Variants in CAPS2 observed in about 807,000 individuals in gnomAD.
CAPS2 encodes the protein calcyphosin-2.
A neutral mutation model predicts 86.5 loss-of-function variants in CAPS2; 98 were observed. The observed-to-expected ratio is 1.13, with a 90% confidence interval of 0.96 to 1.34. The LOEUF (loss-of-function observed/expected upper bound fraction) is 1.34, where lower values mean the gene tolerates loss of function less well. CAPS2 is among the 40% of genes most tolerant of loss of function. The pLI is 0.00. For missense variants in CAPS2, 729 were observed against 686.8 expected, an observed-to-expected ratio of 1.06 and a Z score of -0.69; for synonymous variants, 210 against 225.1, an observed-to-expected ratio of 0.93 and a Z score of 0.60.
chr12:75,363,459 G>T (rs2043752932), intron 1 of CAPS2, among the ~76,000 whole-genome samples: 1 of 152,000 alleles, frequency 6.6e-6, no homozygotes, highest in Non-Finnish European at 1.5e-5. Flanking sequence ...AAATAACTAT[G>T]GGTTGAAATG....
At chr12:75,354,310 A>T (rs935929612) in intron 1 of CAPS2, among the ~76,000 whole-genome samples, 2 of 151,536 alleles carry the variant, frequency 1.3e-5, no homozygotes, top group Non-Finnish European at 3.0e-5. Context: ...CAGACAAAAA[A>T]AGTCACAAGC....
intron 1 of CAPS2, among the ~76,000 whole-genome samples, chr12:75,354,619 G>C (rs911198204): frequency 2.5e-4 from 38 of 152,094 alleles, no homozygotes; most frequent in African/African-American, 8.2e-4. Context: ...CACAGAATTA[G>C]AAAAAACTAT....
At chr12:75,320,312 A>C (rs2040179329) in intron 5 of CAPS2, among the ~76,000 whole-genome samples, 2 of 152,170 alleles carry the variant, frequency 1.3e-5, no homozygotes, top group Admixed American at 1.3e-4. Context: ...CCACTCAGTA[A>C]GGCATGTGCT....
exon 17 of CAPS2, chr12:75,278,543 A>T: frequency 7.0e-6 from 7 of 999,208 alleles, no homozygotes; most frequent in Non-Finnish European, 8.3e-6. Context: ...AGATGTTGCC[A>T]TATTGTTTGA....
At chr12:75,330,008 A>G, upstream of CAPS2, 1 of 676,838 alleles carries the variant, frequency 1.5e-6, no homozygotes, top group Non-Finnish European at 2.5e-6. Context: ...CAAAAACCGC[A>G]TTCAGAAAGC....
chr12:75,349,467 C>T (rs1005457634), intron 1 of CAPS2, among the ~76,000 whole-genome samples: 4 of 151,830 alleles, frequency 2.6e-5, no homozygotes, highest in African/African-American at 9.7e-5. Context: ...TATTACCAGC[C>T]ATATAAAGAA....
Position 75,366,644 on chromosome 12 carries a change from CT to C in CAPS2, c.-395+24193del, listed in dbSNP as rs35880250. Among the ~76,000 whole-genome samples the C allele has an allele frequency of 2.7e-3, 396 of 147,462 alleles. 2 individuals are homozygous for C. The highest frequency in any genetic ancestry group is 0.017 in the South Asian group (80 of 4,638). On this transcript the variant is annotated intron_variant, in intron 1 of 5. Transcript: ENST00000551829. ...TTCCTCTTCTTCAGATTGTTGCCTA[CT>C]TTTTTTTTTTTCTTAAAAGGAGGAA... is the stretch of plus-strand genomic sequence containing the variant.
chr12:75,300,420 G>A (rs1290099982), intron 8 of CAPS2, among the ~76,000 whole-genome samples: 1 of 151,890 alleles, frequency 6.6e-6, no homozygotes, highest in African/African-American at 2.4e-5. Context: ...GCCGGGCGTG[G>A]TGGTGGGCGC....
intron 1 of CAPS2, chr12:75,364,851 C>A (rs2139641178): frequency 6.6e-6 from 1 of 152,214 alleles, no homozygotes; most frequent in Non-Finnish European, 1.5e-5. Flanking sequence ...AATCTCATAA[C>A]TGGGAGTACC....
intron 1 of CAPS2, among the ~76,000 whole-genome samples, chr12:75,340,162 A>G (rs1286962236): frequency 6.7e-6 from 1 of 148,648 alleles, no homozygotes; most frequent in Middle Eastern, 3.5e-3. Flanking sequence ...ATATGTATAA[A>G]TATATATATA....
At chr12:75,387,490 A>G (rs987709755) in intron 1 of CAPS2, among the ~76,000 whole-genome samples, 7 of 152,224 alleles carry the variant, frequency 4.6e-5, no homozygotes, top group Non-Finnish European at 8.8e-5. Context: ...TTTGGAACAT[A>G]GTTTAGCAGT....
At position 75,312,306 on chromosome 12, in the gene CAPS2, T is replaced by C. The variant is rs75245704; in HGVS notation, c.659+542A>G. On this transcript the variant is annotated intron_variant, in intron 7 of 16. Coordinates refer to ENST00000393284, the Ensembl canonical transcript of CAPS2. The stretch of plus-strand genomic sequence containing the variant: ...GACATCACTTGCACATCAAGTAAAC[T>C]ACTAGTTCAGCCTCAGGGTAGTTCA... Among the ~76,000 whole-genome samples the C allele has an allele frequency of 2.8e-3, 428 of 152,290 alleles. 2 individuals carry two copies. The highest frequency in any genetic ancestry group is 1.0e-2 in the African/African-American group (415 of 41,576).
chr12:75,330,143 C>A (rs1477937380), upstream of CAPS2: 9 of 332,648 alleles, frequency 2.7e-5, no homozygotes, highest in Non-Finnish European at 4.3e-5. Flanking sequence ...GGCCCAAGTC[C>A]CTTGTTCGTT....
intron 12 of CAPS2, among the ~76,000 whole-genome samples, chr12:75,292,521 G>A (rs905854597): frequency 6.7e-6 from 1 of 149,410 alleles, no homozygotes; most frequent in African/African-American, 2.4e-5. Context: ...AAATGATGAA[G>A]AAACACAGAC....
rs35481216 is a variant in CAPS2, at chr12:75,386,242, C to G, written c.-395+4596G>C. On this transcript the variant is annotated intron_variant, in intron 1 of 5. Coordinates refer to the CAPS2 transcript ENST00000551829. Reference sequence around the variant, plus strand: ...GAACAAGGTTGCAGGACTAACACTACGTGACATTAAGACTTACTATAAGGG... The same window carrying G: ...GAACAAGGTTGCAGGACTAACACTAGGTGACATTAAGACTTACTATAAGGG... Among the ~76,000 whole-genome samples the G allele has an allele frequency of 8.3e-3, 1,270 of 152,262 alleles. 22 individuals carry two copies. Among genetic ancestry groups the G allele is most frequent in the Non-Finnish European group, 7.6e-3 (517 of 68,018 alleles).
upstream of CAPS2, chr12:75,334,389 C>G (rs749336319): frequency 2.4e-6 from 2 of 848,474 alleles, no homozygotes; most frequent in South Asian, 4.9e-5. Context: ...CTTTACCTAA[C>G]TTGTGTGGCT....
At chr12:75,368,143 T>TA (rs1237232162) in intron 1 of CAPS2, among the ~76,000 whole-genome samples, 1 of 152,108 alleles carries the variant, frequency 6.6e-6, no homozygotes, top group African/African-American at 2.4e-5. Context: ...TAGCAGGAGT[T>TA]AAGTGATGCC....
At chr12:75,385,020 G>C (rs1268632150) in intron 1 of CAPS2, among the ~76,000 whole-genome samples, 2 of 152,178 alleles carry the variant, frequency 1.3e-5, no homozygotes, top group Non-Finnish European at 2.9e-5. Flanking sequence ...GGTTATCACA[G>C]GAGTGAGACT....
Position 75,344,064 on chromosome 12 carries a change from G to T in CAPS2, c.-394-20842C>A. The T allele has an allele frequency of 4.4e-6, 3 of 682,144 alleles. 1 individual carries two copies. The highest frequency in any genetic ancestry group is 4.5e-5 in the South Asian group (2 of 44,430). The allele number at this position is 682,144 out of a possible 1,614,324, so 42.3% of individuals were successfully genotyped here. On this transcript the variant is annotated intron_variant, in intron 1 of 5. Transcript: ENST00000551829. ...CCTTTACATTTTTTCCTTTATCATA[G>T]GTCTTGAGCAATTTAATAATAATAT...
Sources: allele counts gnomAD v4.1 joint callset (sites outside exome capture counted in the v4.1 genomes callset), GRCh38; gene constraint gnomAD v4.1.1; transcripts MANE v1.5; gene names NCBI Gene and HGNC (gene_info 2026-07-23, HGNC 2026-07-21).